DTNA: variants seen among roughly 807,000 people sequenced by gnomAD.
The protein encoded by DTNA is dystrobrevin alpha, also known as dystrophin-related protein 3.
DTNA carries 43 observed loss-of-function variants against 100.7 expected under a neutral mutation model. The observed-to-expected ratio is 0.43, with a 90% CI of 0.33 to 0.55. DTNA has a LOEUF of 0.55. Among genes scored for constraint, DTNA ranks in the 20% least tolerant of loss-of-function variants. DTNA has a pLI of 0.04. For synonymous variants in DTNA, 349 were observed against 347.9 expected, an observed-to-expected ratio of 1.00 and a Z score of -0.04; for missense variants, 798 against 953.9, an observed-to-expected ratio of 0.84 and a Z score of 2.15.
At chr18:34,704,221 C>T (rs2081820898) in intron 1 of DTNA, among the ~76,000 whole-genome samples, 1 of 152,156 alleles carries the variant, frequency 6.6e-6, no homozygotes, top group African/African-American at 2.4e-5. Context: ...TTCACCCTCC[C>T]CTTGCCCACT....
intron 1 of DTNA, among the ~76,000 whole-genome samples, chr18:34,555,965 T>G (rs1302895706): frequency 2.0e-5 from 3 of 150,094 alleles, no homozygotes; most frequent in Admixed American, 2.0e-4. Context: ...ATGTTGACAG[T>G]GGGGTGTTAA....
At chr18:34,841,039 A>G (rs530906501) in intron 13 of DTNA, among the ~76,000 whole-genome samples, 2 of 152,248 alleles carry the variant, frequency 1.3e-5, no homozygotes, top group South Asian at 2.1e-4. Flanking sequence ...CCTCATGCCA[A>G]GCTCTATGTT....
chr18:34,761,366 TTG>T (rs1186285478), intron 2 of DTNA, among the ~76,000 whole-genome samples: 1 of 152,048 alleles, frequency 6.6e-6, no homozygotes, highest in Non-Finnish European at 1.5e-5. Flanking sequence ...CATACAAAAA[TTG>T]TGTGAAAATG....
chr18:34,588,147 A>G (rs1457788421), intron 1 of DTNA, among the ~76,000 whole-genome samples: 3 of 152,232 alleles, frequency 2.0e-5, no homozygotes, highest in African/African-American at 4.8e-5. Context: ...GTAACCAAAT[A>G]TATCTATAGA....
At chr18:34,881,686 A>G (rs2096875125) in intron 20 of DTNA, among the ~76,000 whole-genome samples, 1 of 152,134 alleles carries the variant, frequency 6.6e-6, no homozygotes, top group Admixed American at 6.6e-5. Context: ...ACAGAAAGTG[A>G]TCTTGGGTTC....
At chr18:34,543,455 G>T (rs1447245336) in intron 1 of DTNA, among the ~76,000 whole-genome samples, 2 of 152,130 alleles carry the variant, frequency 1.3e-5, no homozygotes, top group South Asian at 2.1e-4. Flanking sequence ...CAGTGCGTTT[G>T]TTCTTGGATA....
At chr18:34,849,826 T>C (rs2096449543) in intron 14 of DTNA, among the ~76,000 whole-genome samples, 1 of 152,238 alleles carries the variant, frequency 6.6e-6, no homozygotes, top group Non-Finnish European at 1.5e-5. Flanking sequence ...GGCAAGTGTG[T>C]GGCACTTTGC....
intron 6 of DTNA, 163 bp from the exon 7 acceptor site, chr18:34,815,744 CAG>C: frequency 1.6e-6 from 1 of 642,776 alleles, no homozygotes; most frequent in Non-Finnish European, 2.7e-6. Context: ...ACGATGTTTT[CAG>C]TTCTAAACTA....
At position 34,887,660 on chromosome 18, in the gene DTNA, C is replaced by G. The variant is rs754295820; in HGVS notation, c.*32-106C>G. ...GTGTGCATGTGTGTGTGTGTGTGCG[C>G]GCGCACTTTCTTCTATATTGGGGAA... On this transcript the variant is annotated intron_variant, in intron 22 of 22. Transcript: ENST00000444659. 4.7e-4 allele frequency: 384 copies of G among 820,296 alleles called. 1 individual carries two copies. Among genetic ancestry groups the G allele is most frequent in the Non-Finnish European group, 5.3e-4 (361 of 679,684 alleles). 50.8% of individuals were successfully genotyped at this position (820,296 alleles called of 1,614,324 possible).
intron 15 of DTNA, among the ~76,000 whole-genome samples, chr18:34,853,661 T>A (rs1009379132): frequency 1.3e-5 from 2 of 151,828 alleles, no homozygotes; most frequent in Admixed American, 6.6e-5. Flanking sequence ...AATAAAAAAA[T>A]TTAAAAATAA....
At chr18:34,512,931 G>A (rs1254493689) in intron 1 of DTNA, among the ~76,000 whole-genome samples, 1 of 152,038 alleles carries the variant, frequency 6.6e-6, no homozygotes, top group Non-Finnish European at 1.5e-5. Flanking sequence ...CAGTATAGAA[G>A]AATACTGGTT....
chr18:34,850,483 G>A (rs1334354184), intron 14 of DTNA, among the ~76,000 whole-genome samples: 1 of 152,138 alleles, frequency 6.6e-6, no homozygotes, highest in African/African-American at 2.4e-5. Flanking sequence ...GAAAAGAGGT[G>A]TAAATTAAAA....
At chr18:34,502,653 G>A (rs1320744627) in intron 1 of DTNA, among the ~76,000 whole-genome samples, 6 of 152,150 alleles carry the variant, frequency 3.9e-5, no homozygotes, top group Admixed American at 3.9e-4. Context: ...ATTTTTAAAT[G>A]TTTGAAGATT....
intron 1 of DTNA, among the ~76,000 whole-genome samples, chr18:34,652,966 T>G (rs961359619): frequency 2.0e-5 from 3 of 152,178 alleles, no homozygotes; most frequent in African/African-American, 7.2e-5. Context: ...ATTTTGGTAC[T>G]TCCTAATGAT....
intron 9 of DTNA, chr18:34,825,331 A>C (rs895177856): frequency 1.2e-6 from 2 of 1,607,364 alleles, no homozygotes; most frequent in African/African-American, 2.7e-5. Flanking sequence ...CATGATCATA[A>C]GTGGGGATGA....
chr18:34,820,723 C>T, intron 8 of DTNA, 68 bp from the exon 9 acceptor site: 1 of 1,606,084 alleles, frequency 6.2e-7, no homozygotes, highest in Non-Finnish European at 8.5e-7. Context: ...TTATGAAAAG[C>T]AAATCATTTG....
intron 5 of DTNA, among the ~76,000 whole-genome samples, chr18:34,811,353 C>T (rs1001535624): frequency 6.6e-6 from 1 of 152,136 alleles, no homozygotes; most frequent in African/African-American, 2.4e-5. Context: ...GTCAGAAAAC[C>T]CTTCCCTGTA....
chr18:34,685,440 G>A (rs1458312724), intron 1 of DTNA, among the ~76,000 whole-genome samples: 1 of 152,184 alleles, frequency 6.6e-6, no homozygotes, highest in Non-Finnish European at 1.5e-5. Flanking sequence ...TCAAAGATCA[G>A]ATGGTTGTAG....
At chr18:34,717,919 C>A (rs2084382190) in intron 1 of DTNA, among the ~76,000 whole-genome samples, 1 of 151,970 alleles carries the variant, frequency 6.6e-6, no homozygotes, top group Non-Finnish European at 1.5e-5. Flanking sequence ...AGAAATGAGT[C>A]CAGAAGTTAA....
Sources: allele counts gnomAD v4.1 joint callset (sites outside exome capture counted in the v4.1 genomes callset), GRCh38; gene constraint gnomAD v4.1.1; transcripts MANE v1.5; gene names NCBI Gene and HGNC (gene_info 2026-07-23, HGNC 2026-07-21).